Variants in CCDC138 observed in about 807,000 individuals in gnomAD.
The protein encoded by CCDC138 is coiled-coil domain containing 138, also known as coiled-coil domain-containing protein 138.
In CCDC138, 66 loss-of-function variants were observed where a neutral mutation model predicts 82.3. That is an observed-to-expected ratio of 0.80 (90% CI 0.66 to 0.98). The LOEUF is 0.98. CCDC138 is among the 50% of genes least tolerant of loss of function. CCDC138 has a pLI of 0.00. For missense variants in CCDC138, 816 were observed against 758.9 expected (o/e 1.08, Z -0.88); for synonymous variants, 297 against 265.4 (o/e 1.12, Z -1.16).
chr2:108,881,804 A>T (rs1456356750), intron 1 of CCDC138, among the ~76,000 whole-genome samples: 2 of 152,198 alleles, frequency 1.3e-5, no homozygotes, highest in Non-Finnish European at 2.9e-5. Flanking sequence ...TTGCTGTCTT[A>T]CATGGGTGTG....
At chr2:108,845,350 A>G (rs1459647124) in intron 11 of CCDC138, among the ~76,000 whole-genome samples, 3 of 152,128 alleles carry the variant, frequency 2.0e-5, no homozygotes, top group Admixed American at 6.5e-5. Flanking sequence ...TTAATTTTAG[A>G]TGCAGAAATT....
Position 108,856,960 on chromosome 2 carries a change from G to A in CCDC138, c.1683G>A (p.Thr561=), listed in dbSNP as rs772517834. Residue 561 remains threonine (T), a synonymous_variant, in exon 13 of 15, where the codon ACG becomes ACA. Coordinates refer to ENST00000295124, the MANE Select transcript of CCDC138 (RefSeq NM_144978.3). Reference sequence around the variant, plus strand: ...TTATTGATAGTTTGCTCCAGATGACGGTGGAATCTAGTAAGTTTTTAAGTT... The same window carrying A: ...TTATTGATAGTTTGCTCCAGATGACAGTGGAATCTAGTAAGTTTTTAAGTT... The part of the protein sequence containing the change: ...SNVIDSLLQM[T]VESKSLQPFL... 14 of 1,593,004 alleles carry A rather than the reference G, an allele frequency of 8.8e-6. No homozygotes were observed. Among genetic ancestry groups the A allele is most frequent in the African/African-American group, 4.1e-5 (3 of 73,504 alleles).
chr2:108,842,318 C>T (rs971894249), intron 11 of CCDC138, among the ~76,000 whole-genome samples: 10 of 151,704 alleles, frequency 6.6e-5, no homozygotes, highest in African/African-American at 1.7e-4. Context: ...GAATTACAGA[C>T]GTGAGCCAAC....
intron 13 of CCDC138, among the ~76,000 whole-genome samples, chr2:108,857,237 C>G (rs1178786881): frequency 1.3e-5 from 2 of 151,842 alleles, no homozygotes; most frequent in Non-Finnish European, 2.9e-5. Flanking sequence ...CGCCACCACG[C>G]CCAGCTAATT....
chr2:108,834,696 A>G (rs1435407223), intron 10 of CCDC138, among the ~76,000 whole-genome samples: 3 of 152,174 alleles, frequency 2.0e-5, no homozygotes, highest in Admixed American at 6.5e-5. Flanking sequence ...CATCGCTATC[A>G]ATTTCAAGAA....
intron 13 of CCDC138, among the ~76,000 whole-genome samples, chr2:108,871,053 C>G (rs932247008): frequency 1.3e-5 from 2 of 151,892 alleles, no homozygotes; most frequent in African/African-American, 4.8e-5. Flanking sequence ...TTAGAAATAG[C>G]CGTCATTAAT....
intron 10 of CCDC138, among the ~76,000 whole-genome samples, chr2:108,835,463 A>G (rs918200411): frequency 1.3e-5 from 2 of 152,236 alleles, no homozygotes; most frequent in Non-Finnish European, 2.9e-5. Flanking sequence ...CCCCCAGAGC[A>G]AATGAAATTC....
intron 3 of CCDC138, 32 bp downstream of exon 3, chr2:108,788,998 C>T (rs780191011): frequency 2.6e-5 from 42 of 1,610,276 alleles, no homozygotes; most frequent in Middle Eastern, 1.6e-4. Flanking sequence ...CTGTTGCTAC[C>T]CCCTCAGTAT....
rs1683897058 is a variant in CCDC138 at position 108,811,673 on chromosome 2, G to T, written c.856-958G>T. ...TGCAGCTTTGTTACATGGATATATT[G>T]TGTAACAGTGAGGTCTGGGCTTCTA... On this transcript the variant is annotated intron_variant, in intron 7 of 14. Transcript: ENST00000295124. Among the ~76,000 whole-genome samples the T allele has an allele frequency of 2.0e-5, 3 of 152,040 alleles. No individual in the cohort carries two copies. The South Asian group carries it at 6.2e-4, about 32-fold the overall frequency.
At chr2:108,879,769 T>C (rs1440429826), downstream of CCDC138, among the ~76,000 whole-genome samples, 2 of 152,108 alleles carry the variant, frequency 1.3e-5, no homozygotes, top group African/African-American at 4.8e-5. Flanking sequence ...AGAGCTCTGT[T>C]AGTTGAAGGG....
At chr2:108,869,865 A>G (rs539501745) in intron 13 of CCDC138, among the ~76,000 whole-genome samples, 175 of 152,214 alleles carry the variant, frequency 1.1e-3, no homozygotes, top group African/African-American at 4.2e-3. Flanking sequence ...CAAATGTCAG[A>G]TTTTCAGCAA....
At chr2:108,789,693 T>C (rs915719348) in intron 3 of CCDC138, among the ~76,000 whole-genome samples, 3 of 152,170 alleles carry the variant, frequency 2.0e-5, no homozygotes, top group African/African-American at 7.2e-5. Context: ...GCATTGTATT[T>C]AGGTGATTGA....
intron 13 of CCDC138, among the ~76,000 whole-genome samples, chr2:108,866,037 G>C (rs1275970967): frequency 6.6e-6 from 1 of 152,172 alleles, no homozygotes; most frequent in Non-Finnish European, 1.5e-5. Flanking sequence ...TGTGCAAGAG[G>C]ACTATGGTAG....
At chr2:108,863,882 C>T (rs77423761) in intron 13 of CCDC138, among the ~76,000 whole-genome samples, 3,306 of 152,224 alleles carry the variant, frequency 0.022, 60 homozygotes, top group Non-Finnish European at 0.033. Flanking sequence ...AATTAATGAG[C>T]GCTTTTAGCC....
At chr2:108,798,715 A>G in intron 6 of CCDC138, 129 bp downstream of exon 6, 1 of 439,812 alleles carries the variant, frequency 2.3e-6, no homozygotes, top group Non-Finnish European at 4.1e-6. Flanking sequence ...GCCTACACAC[A>G]CACACACACA....
intron 7 of CCDC138, among the ~76,000 whole-genome samples, chr2:108,805,485 G>T (rs112888316): frequency 6.6e-6 from 1 of 152,058 alleles, no homozygotes. Context: ...CAGCACTTTG[G>T]GAGGCTGAGG....
intron 10 of CCDC138, among the ~76,000 whole-genome samples, chr2:108,827,690 C>T (rs1005249941): frequency 4.6e-5 from 7 of 151,902 alleles, no homozygotes; most frequent in African/African-American, 1.2e-4. Context: ...GTGGCAGGAG[C>T]TTGTAGTCCC....
chr2:108,880,224 CAAA>C (rs3028925), downstream of CCDC138, among the ~76,000 whole-genome samples: 432 of 50,478 alleles, frequency 8.6e-3, no homozygotes, highest in East Asian at 0.015. Context: ...CAAAAACAAA[CAAA>C]AAAAAAAACG....
chr2:108,794,827 A>T, intron 5 of CCDC138, 106 bp downstream of exon 5: 1 of 905,342 alleles, frequency 1.1e-6, no homozygotes, highest in Non-Finnish European at 1.6e-6. Context: ...ACTTTAGATA[A>T]GTTTGTCAAG....
Sources: gnomAD v4.1 joint callset for allele counts (sites outside exome capture counted in the v4.1 genomes callset) on GRCh38, gnomAD v4.1.1 for gene constraint, MANE v1.5 for transcripts, NCBI Gene and HGNC (gene_info 2026-07-23, HGNC 2026-07-21) for gene names.